The following HIVEP2 variants were observed in gnomAD, a reference collection of about 807,000 sequenced individuals.
The protein encoded by HIVEP2 is HIVEP zinc finger 2, also known as transcription factor HIVEP2.
A neutral mutation model predicts 180.7 loss-of-function variants in HIVEP2; 14 were observed. The observed-to-expected ratio is 0.08, with a 90% CI of 0.05 to 0.12. The LOEUF is 0.12. Among genes scored for constraint, HIVEP2 ranks in the 10% least tolerant of loss-of-function variants. The pLI is 1.00. For synonymous variants in HIVEP2, 1,184 were observed against 1,136.4 expected, an observed-to-expected ratio of 1.04 and a Z score of -0.84; for missense variants, 2,579 against 3,008.5, an observed-to-expected ratio of 0.86 and a Z score of 3.34.
rs531761193 is a variant in HIVEP2, at chr6:142,773,210, G to A, written c.1529C>T (p.Ser510Leu). ...SESRQPQIIP[S>L]SIRNEGKLYP... ...AAGTTTTCCTTCGTTCCTGATAGAT[G>A]ATGGAATAATCTGGGGTTGTCTGGA... Residue 510 changes from serine to leucine, a missense_variant, in exon 5 of 10, where the codon TCA (serine) becomes TTA (leucine). This residue lies in a region of HIVEP2 where 524 missense variants were observed against 563.6 expected (regional missense o/e 0.93). Coordinates refer to ENST00000367603, the MANE Select transcript of HIVEP2 (RefSeq NM_006734.4). 48 of 1,614,200 alleles carry A rather than the reference G, an allele frequency of 3.0e-5. No individual in the cohort carries two copies. In the South Asian group the frequency reaches 5.1e-4, roughly 17 times the overall value.
At chr6:142,855,249 C>T (rs1775789263) in intron 1 of HIVEP2, among the ~76,000 whole-genome samples, 1 of 152,200 alleles carries the variant, frequency 6.6e-6, no homozygotes, top group Non-Finnish European at 1.5e-5. Flanking sequence ...AAGCTGACCC[C>T]AAGCTTGATA....
chr6:142,868,528 C>T (rs1183524094), intron 1 of HIVEP2, among the ~76,000 whole-genome samples: 2 of 152,118 alleles, frequency 1.3e-5, no homozygotes, highest in African/African-American at 4.8e-5. Flanking sequence ...AACTCTTCAG[C>T]TCATGTTGCA....
intron 1 of HIVEP2, among the ~76,000 whole-genome samples, chr6:142,925,133 TCTC>T (rs973031830): frequency 6.6e-6 from 1 of 152,204 alleles, no homozygotes; most frequent in African/African-American, 2.4e-5. Context: ...CTTTAGAAGT[TCTC>T]CTTGTTCTAC....
At chr6:142,836,258 A>G (rs1775219794) in intron 2 of HIVEP2, among the ~76,000 whole-genome samples, 1 of 152,134 alleles carries the variant, frequency 6.6e-6, no homozygotes, top group Non-Finnish European at 1.5e-5. Context: ...TAAATTTCTG[A>G]TGCCAAAAAT....
At chr6:142,932,417 A>C (rs1271319139) in intron 1 of HIVEP2, among the ~76,000 whole-genome samples, 7 of 152,212 alleles carry the variant, frequency 4.6e-5, no homozygotes, top group Non-Finnish European at 1.0e-4. Context: ...AGTTGGTAAG[A>C]GGCTGTCTTC....
At chr6:142,848,912 AG>A (rs1180689881) in intron 1 of HIVEP2, among the ~76,000 whole-genome samples, 1 of 152,196 alleles carries the variant, frequency 6.6e-6, no homozygotes, top group Non-Finnish European at 1.5e-5. Flanking sequence ...TTCACTTCTG[AG>A]GTCCCAGAGG....
intron 2 of HIVEP2, among the ~76,000 whole-genome samples, chr6:142,785,802 G>A (rs926420233): frequency 6.6e-6 from 1 of 152,128 alleles, no homozygotes; most frequent in Non-Finnish European, 1.5e-5. Context: ...TCAAAAACTG[G>A]TTCTGTTGCA....
intron 1 of HIVEP2, among the ~76,000 whole-genome samples, chr6:142,942,787 C>A (rs1412713912): frequency 6.6e-6 from 1 of 152,108 alleles, no homozygotes; most frequent in East Asian, 1.9e-4. Flanking sequence ...CTCTTGAATA[C>A]CCTTGTATAA....
chr6:142,944,427 CCACACACA>C (rs34581763), intron 1 of HIVEP2, among the ~76,000 whole-genome samples: 1 of 146,844 alleles, frequency 6.8e-6, no homozygotes, highest in Non-Finnish European at 1.5e-5. Flanking sequence ...CCCCACACAC[CCACACACA>C]CACACACACA....
At chr6:142,830,499 A>G (rs1469031222) in intron 2 of HIVEP2, among the ~76,000 whole-genome samples, 2 of 152,022 alleles carry the variant, frequency 1.3e-5, no homozygotes, top group Admixed American at 1.3e-4. Context: ...TTTGTGGGGG[A>G]ATTTTGGCAG....
chr6:142,860,529 C>A (rs1204125508), intron 1 of HIVEP2, among the ~76,000 whole-genome samples: 2 of 152,076 alleles, frequency 1.3e-5, no homozygotes, highest in African/African-American at 2.4e-5. Flanking sequence ...TCTGTGGGAG[C>A]CCTGAGCTTG....
rs368471500 is a variant in HIVEP2 at position 142,876,814 on chromosome 6, A to G, written c.-640-39767T>C. Among the ~76,000 whole-genome samples, 8 of 152,178 alleles carry G rather than the reference A, an allele frequency of 5.3e-5. No homozygotes were observed. In the East Asian group the frequency reaches 5.8e-4, roughly 11 times the overall value. On this transcript the variant is annotated intron_variant, in intron 1 of 9. Coordinates refer to ENST00000367603, the MANE Select transcript of HIVEP2 (RefSeq NM_006734.4). ...GAGGGAGGTGGGTTGCTTGAGCCCA[A>G]GAGTTTAAGGCCAGCCTGGGCAACG...
Position 142,753,143 on chromosome 6 carries a change from G to T in HIVEP2, c.7305C>A (p.Ser2435Arg), listed in dbSNP as rs1206709380. 1 of 1,611,030 alleles carries T rather than the reference G, an allele frequency of 6.2e-7. No homozygotes were observed. Among genetic ancestry groups the T allele is most frequent in the Non-Finnish European group, 8.5e-7 (1 of 1,177,162 alleles). ...GACTCTTTTCTGATGAAGGATCTTT[G>T]CTTTCCTCTGTGCTTGAAGATAATT... ...SKELSSSTEE[S>R]KDPSSEKSQL... The change falls in exon 10 of 10, where the codon AGC becomes AGA. Residue 2435 changes from serine to arginine, a missense_variant. Coordinates refer to ENST00000367603, the MANE Select transcript of HIVEP2 (RefSeq NM_006734.4).
intron 1 of HIVEP2, among the ~76,000 whole-genome samples, chr6:142,924,947 A>G (rs1369134864): frequency 6.6e-6 from 1 of 152,216 alleles, no homozygotes; most frequent in Non-Finnish European, 1.5e-5. Context: ...ACTGGTCCCT[A>G]TAATACTACT....
Position 142,760,025 on chromosome 6 carries a change from A to G in HIVEP2, c.6263T>C (p.Leu2088Pro). ...CAATGCAGCTTCCTTTCTTGGTGAA[A>G]GATGTCTCATGGGTGACAGATCTCT... ...PRRDLSPMRH[L>P]SPRKEAALRR... The change falls in exon 9 of 10, where the codon CTT becomes CCT. Residue 2088 changes from leucine (L) to proline (P), a missense_variant. This residue lies in a region of HIVEP2 where 660 missense variants were observed against 731.7 expected (regional missense o/e 0.90). Coordinates refer to ENST00000367603, the MANE Select transcript of HIVEP2 (RefSeq NM_006734.4). 2 of 1,614,040 alleles carry G rather than the reference A, an allele frequency of 1.2e-6. No individual in the cohort carries two copies. The highest frequency in any genetic ancestry group is 8.5e-7 in the Non-Finnish European group (1 of 1,179,966).
chr6:142,920,907 C>T (rs953616995), intron 1 of HIVEP2, among the ~76,000 whole-genome samples: 4 of 152,206 alleles, frequency 2.6e-5, no homozygotes, highest in Admixed American at 1.3e-4. Context: ...CCTGTGAGCC[C>T]AGGAGGTAGA....
chr6:142,762,083 G>A (rs2114617191), intron 7 of HIVEP2, among the ~76,000 whole-genome samples: 1 of 152,262 alleles, frequency 6.6e-6, no homozygotes, highest in South Asian at 2.1e-4. Context: ...ACAAACTAAT[G>A]TGAGGGCCAA....
At chr6:142,837,292 C>T (rs1775249331) in intron 1 of HIVEP2, among the ~76,000 whole-genome samples, 1 of 152,116 alleles carries the variant, frequency 6.6e-6, no homozygotes, top group South Asian at 2.1e-4. Flanking sequence ...AGTGTGAGAA[C>T]AGAAGAGTTT....
chr6:142,768,326 G>A, intron 6 of HIVEP2, 56 bp downstream of exon 6: 1 of 1,500,338 alleles, frequency 6.7e-7, no homozygotes, highest in Non-Finnish European at 9.1e-7. Context: ...AGACATTCTG[G>A]ACCATTTACT....
Sources: gnomAD v4.1 joint callset for allele counts (sites outside exome capture counted in the v4.1 genomes callset) on GRCh38, gnomAD v4.1.1 for gene constraint, gnomAD v4.1.1 regional missense constraint, MANE v1.5 for transcripts, NCBI Gene and HGNC (gene_info 2026-07-23, HGNC 2026-07-21) for gene names.